PSMG2: variants seen among roughly 807,000 people sequenced by gnomAD.
The protein encoded by PSMG2 is CD40 ligand-activated specific transcript 3.
A neutral mutation model predicts 31.5 loss-of-function variants in PSMG2; 21 were observed. That is an observed-to-expected ratio of 0.67 (90% CI 0.47 to 0.96). PSMG2 has a LOEUF of 0.96. Among genes scored for constraint, PSMG2 ranks in the 40% least tolerant of loss-of-function variants. The pLI is 0.00. For missense variants in PSMG2, 318 were observed against 321.2 expected (o/e 0.99, Z 0.08); for synonymous variants, 120 against 110.4 (o/e 1.09, Z -0.54).
At chr18:12,724,460 C>G (rs1287849582) in intron 5 of PSMG2, 39 bp from the exon 6 acceptor site, 3 of 1,557,206 alleles carry the variant, frequency 1.9e-6, no homozygotes, top group Non-Finnish European at 2.6e-6. Context: ...CTCTTGTACC[C>G]TATGAAAGAA....
At chr18:12,708,808 C>T (rs565177017) in intron 2 of PSMG2, among the ~76,000 whole-genome samples, 68 of 144,312 alleles carry the variant, frequency 4.7e-4, no homozygotes, top group African/African-American at 1.4e-3. Context: ...CGGGTTCAAG[C>T]GATTCTCCTG....
intron 2 of PSMG2, among the ~76,000 whole-genome samples, chr18:12,708,366 C>CTT (rs1339911703): frequency 3.4e-5 from 5 of 145,612 alleles, no homozygotes; most frequent in African/African-American, 5.0e-5. Flanking sequence ...ATGCCATGTA[C>CTT]TTTTTTTTTT....
chr18:12,711,984 C>G (rs1259709298), intron 2 of PSMG2, among the ~76,000 whole-genome samples: 1 of 152,090 alleles, frequency 6.6e-6, no homozygotes, highest in East Asian at 1.9e-4. Context: ...ATCTTGATCT[C>G]CTGACCTTGT....
chr18:12,697,118 A>C (rs966590018), intron 1 of PSMG2: 7 of 799,446 alleles, frequency 8.8e-6, no homozygotes, highest in Non-Finnish European at 1.3e-5. Context: ...ATTCTATTTT[A>C]CAGGTTTCCC....
intron 1 of PSMG2, 145 bp from the exon 2 acceptor site, chr18:12,706,405 T>G (rs2040268747): frequency 4.0e-6 from 3 of 754,586 alleles, no homozygotes; most frequent in Non-Finnish European, 4.3e-6. Flanking sequence ...GAGAATTGCT[T>G]CAAGCCAGGA....
intron 1 of PSMG2, chr18:12,672,955 A>G (rs1256183742): frequency 2.0e-6 from 2 of 984,948 alleles, no homozygotes; most frequent in Non-Finnish European, 2.4e-6. Flanking sequence ...CCTAATCTGT[A>G]TAAAATAATT....
intron 1 of PSMG2, among the ~76,000 whole-genome samples, chr18:12,675,082 T>C (rs1416406863): frequency 6.6e-6 from 1 of 152,096 alleles, no homozygotes; most frequent in Non-Finnish European, 1.5e-5. Context: ...ATTCTTATAT[T>C]TTGAGATATT....
In PSMG2 at chr18:12,720,637, A is replaced by G; in HGVS notation, c.535A>G (p.Ile179Val). The G allele has an allele frequency of 1.2e-6, 2 of 1,613,974 alleles. No homozygotes were observed. The highest frequency in any genetic ancestry group is 1.7e-6 in the Non-Finnish European group (2 of 1,179,974). ...TGAAATAGATGATTCCGAGTTTTGTATCCGCATTCCGGGAGGAGGTATCAC... is the reference window on the plus strand; with the variant it reads ...TGAAATAGATGATTCCGAGTTTTGTGTCCGCATTCCGGGAGGAGGTATCAC... ...IPEIDDSEFC[I>V]RIPGGGITKT... Residue 179 changes from isoleucine to valine, a missense_variant, in exon 5 of 7, where the codon ATC becomes GTC. Physicochemically the swap from Ile to Val is conservative, Grantham distance 29. Coordinates refer to ENST00000317615, the MANE Select transcript of PSMG2 (RefSeq NM_020232.5).
At chr18:12,697,482 T>G in intron 1 of PSMG2, 1 of 981,004 alleles carries the variant, frequency 1.0e-6, no homozygotes, top group Non-Finnish European at 1.5e-6. Flanking sequence ...ATACTTTTAT[T>G]AAACAGTAAA....
upstream of PSMG2, among the ~76,000 whole-genome samples, chr18:12,702,024 G>C (rs1047190947): frequency 3.3e-5 from 5 of 152,282 alleles, no homozygotes; most frequent in Admixed American, 1.3e-4. Flanking sequence ...CTACTCGGGA[G>C]GCTGAGGCGG....
At chr18:12,721,883 G>T (rs2040434225) in intron 5 of PSMG2, among the ~76,000 whole-genome samples, 1 of 151,502 alleles carries the variant, frequency 6.6e-6, no homozygotes. Context: ...TTTCCTCTTA[G>T]TGCTGTTTTC....
chr18:12,714,639 A>G (rs942535571), intron 3 of PSMG2, among the ~76,000 whole-genome samples: 12 of 151,548 alleles, frequency 7.9e-5, no homozygotes, highest in African/African-American at 2.9e-4. Flanking sequence ...GATTACAGGC[A>G]TGCACCACCA....
chr18:12,721,865 C>G (rs1454558274), intron 5 of PSMG2, among the ~76,000 whole-genome samples: 2 of 151,978 alleles, frequency 1.3e-5, no homozygotes, highest in Admixed American at 1.3e-4. Flanking sequence ...GTGTTTACAG[C>G]TGTAAATTTT....
chr18:12,707,999 T>C (rs888288712), intron 2 of PSMG2, among the ~76,000 whole-genome samples: 1 of 152,144 alleles, frequency 6.6e-6, no homozygotes, highest in Non-Finnish European at 1.5e-5. Flanking sequence ...CCAGAATTCA[T>C]GACCGGGTGC....
At chr18:12,702,908 C>T (rs2145126479), upstream of PSMG2, 1 of 604,630 alleles carries the variant, frequency 1.7e-6, no homozygotes, top group East Asian at 3.2e-5. Context: ...GCTGCTGGCC[C>T]CTCTTCGCGG....
intron 1 of PSMG2, among the ~76,000 whole-genome samples, chr18:12,684,049 G>C (rs1181578814): frequency 1.4e-5 from 2 of 148,012 alleles, no homozygotes; most frequent in African/African-American, 4.9e-5. Context: ...TTTTGAGACA[G>C]AGTCTTGCTC....
At chr18:12,699,853 T>C, upstream of PSMG2, 1 of 1,587,576 alleles carries the variant, frequency 6.3e-7, no homozygotes, top group South Asian at 1.2e-5. Flanking sequence ...CGATTGTCTA[T>C]CAAAACAAAT....
chr18:12,711,562 C>A lies in PSMG2; in HGVS notation c.230-1140C>A, dbSNP rs149921204. Among the ~76,000 whole-genome samples, 176 of 152,226 alleles carry A rather than the reference C, an allele frequency of 1.2e-3. 1 individual carries two copies. Among genetic ancestry groups the A allele is most frequent in the East Asian group, 7.1e-3 (37 of 5,178 alleles). On this transcript the variant is annotated intron_variant, in intron 2 of 6. Coordinates refer to ENST00000317615, the MANE Select transcript of PSMG2 (RefSeq NM_020232.5). The stretch of plus-strand genomic sequence containing the variant: ...GATTTGCTGAGTTCAGCATACCCCC[C>A]AGTCACACCACATCACGCCAGCCAT...
intron 1 of PSMG2, among the ~76,000 whole-genome samples, chr18:12,694,922 A>G (rs942524761): frequency 7.3e-5 from 11 of 150,240 alleles, no homozygotes; most frequent in Middle Eastern, 6.8e-3. Context: ...TCACCGTGTT[A>G]GCCAGGATGG....
Sources: gnomAD v4.1 joint callset for allele counts (sites outside exome capture counted in the v4.1 genomes callset) on GRCh38, gnomAD v4.1.1 for gene constraint, MANE v1.5 for transcripts, NCBI Gene and HGNC (gene_info 2026-07-23, HGNC 2026-07-21) for gene names.